Variants in SLC23A2 observed in about 807,000 individuals in gnomAD.
SLC23A2 encodes Na(+)/L-ascorbic acid transporter 2.
SLC23A2 carries 36 observed loss-of-function variants against 73.3 expected under a neutral mutation model. That is an observed-to-expected ratio of 0.49 (90% CI 0.38 to 0.65). The LOEUF is 0.65. Ranked by LOEUF, SLC23A2 falls within the 30% of genes least tolerant of loss-of-function variation. The pLI, the probability that SLC23A2 is intolerant of heterozygous loss-of-function variation, is 0.00. For synonymous variants in SLC23A2, 343 were observed against 327.3 expected (o/e 1.05, Z -0.52); for missense variants, 507 against 841.6 (o/e 0.60, Z 4.92).
intron 1 of SLC23A2, among the ~76,000 whole-genome samples, chr20:4,987,791 T>G (rs2087856096): frequency 6.7e-6 from 1 of 150,288 alleles, no homozygotes; most frequent in African/African-American, 2.5e-5. Context: ...GAGCTTGCAG[T>G]GAGCCGATCA....
At chr20:4,984,574 G>T (rs879146425) in intron 1 of SLC23A2, among the ~76,000 whole-genome samples, 1 of 151,730 alleles carries the variant, frequency 6.6e-6, no homozygotes, top group East Asian at 1.9e-4. Flanking sequence ...AAAAGACCCG[G>T]TCTCAAATAT....
chr20:4,977,714 A>T (rs1359316132), intron 1 of SLC23A2, among the ~76,000 whole-genome samples: 1 of 151,038 alleles, frequency 6.6e-6, no homozygotes, highest in East Asian at 1.9e-4. Context: ...AAAAAAAAAG[A>T]AAAGAAAAGA....
rs975165042 is a variant in SLC23A2, at chr20:4,947,359, A to T, written c.-154-14643T>A. Among the ~76,000 whole-genome samples the T allele has an allele frequency of 6.6e-5, 10 of 152,238 alleles. No homozygotes were observed. Among genetic ancestry groups the T allele is most frequent in the African/African-American group, 2.4e-4 (10 of 41,460 alleles). ...TTAAAATCTGAATGTACATTTTAGC[A>T]AACTAAAGCAGAACAAAGATGAGTT... On this transcript the variant is annotated intron_variant, in intron 2 of 16. Coordinates refer to ENST00000338244, the MANE Select transcript of SLC23A2 (RefSeq NM_005116.6). The surrounding 1 kb of genome is among the most constrained non-coding windows in gnomAD (Gnocchi z 4.4).
chr20:4,996,795 A>G (rs1490978859), intron 1 of SLC23A2, among the ~76,000 whole-genome samples: 2 of 151,852 alleles, frequency 1.3e-5, no homozygotes. Flanking sequence ...AGAGGGCCTT[A>G]GAGACACCTA....
chr20:4,902,543 T>A lies in SLC23A2; in HGVS notation c.223A>T (p.Thr75Ser), dbSNP rs1377457195. Reference protein sequence around the residue: ...GIAEKSSLAETLDSTGSLDPQ... With the variant: ...GIAEKSSLAESLDSTGSLDPQ... ...TCCAGACTGCCAGTGCTATCCAGGG[T>A]CTCAGCGAGAGAGCTCTGCGAGCCA... The change falls in exon 5 of 17, where the codon ACC becomes TCC. Residue 75 changes from threonine (T) to serine (S), a missense_variant. This residue lies in a region of SLC23A2 where 78 missense variants were observed against 86.7 expected (regional missense o/e 0.90). Coordinates refer to ENST00000338244, the MANE Select transcript of SLC23A2 (RefSeq NM_005116.6). This position sits in a 1 kb window ranked among gnomAD's most constrained non-coding sequence, Gnocchi z 4.0. The A allele has an allele frequency of 6.2e-7, 1 of 1,607,148 alleles. No individual in the cohort carries two copies. The highest frequency in any genetic ancestry group is 8.5e-7 in the Non-Finnish European group (1 of 1,175,700).
intron 4 of SLC23A2, among the ~76,000 whole-genome samples, chr20:4,905,182 G>C (rs1307650235): frequency 2.0e-5 from 3 of 149,606 alleles, no homozygotes; most frequent in Non-Finnish European, 3.0e-5. Context: ...ACACACAGGC[G>C]CATGTATGCA....
At chr20:4,931,735 C>A (rs1932793071) in intron 3 of SLC23A2, among the ~76,000 whole-genome samples, 1 of 151,694 alleles carries the variant, frequency 6.6e-6, no homozygotes, top group Non-Finnish European at 1.5e-5. Flanking sequence ...TGCCACTGCA[C>A]TCCAGCCTGG....
chr20:4,956,409 C>G (rs923410854), intron 2 of SLC23A2, among the ~76,000 whole-genome samples: 1 of 152,150 alleles, frequency 6.6e-6, no homozygotes, highest in South Asian at 2.1e-4. Flanking sequence ...TCTAGTGTTA[C>G]GAAATCTAAT....
At chr20:4,889,356 A>G (rs1931230838) in intron 6 of SLC23A2, among the ~76,000 whole-genome samples, 1 of 152,092 alleles carries the variant, frequency 6.6e-6, no homozygotes, top group Admixed American at 6.6e-5. Context: ...CAGGGAGCTC[A>G]TATGATGAAG....
intron 2 of SLC23A2, among the ~76,000 whole-genome samples, chr20:4,954,698 C>CAAAAAAAAAAAAAAAA (rs200579910): frequency 1.8e-5 from 1 of 55,066 alleles, no homozygotes. Context: ...GACTCCATCA[C>CAAAAAAAAAAAAAAAA]AAAAAAAAAA....
intron 2 of SLC23A2, among the ~76,000 whole-genome samples, chr20:4,948,158 C>T (rs1449062019): frequency 6.6e-6 from 1 of 152,224 alleles, no homozygotes; most frequent in Non-Finnish European, 1.5e-5. Flanking sequence ...TCTCAAGTAA[C>T]TCAACGGACT....
rs372661657 is a variant in SLC23A2 at position 4,993,410 on chromosome 20, G to A, written c.-282+7996C>T. 3.5e-4 allele frequency among the ~76,000 whole-genome samples: 42 copies of A among 121,492 alleles called. 1 individual carries two copies. Among genetic ancestry groups the A allele is most frequent in the South Asian group, 5.3e-4 (2 of 3,802 alleles). The allele number at this position is 121,492 out of a possible 152,430, so 79.7% of individuals were successfully genotyped here. Reference sequence around the variant, plus strand: ...GTATAGTGCAAATATGCCAAAATCCGAAAAAAAAAAAAGAAAAAAAGAAAC... The same window carrying A: ...GTATAGTGCAAATATGCCAAAATCCAAAAAAAAAAAAAGAAAAAAAGAAAC... On this transcript the variant is annotated intron_variant, in intron 1 of 16. Coordinates refer to ENST00000338244, the MANE Select transcript of SLC23A2 (RefSeq NM_005116.6).
At chr20:4,986,371 T>C (rs1405190319) in intron 1 of SLC23A2, among the ~76,000 whole-genome samples, 1 of 152,104 alleles carries the variant, frequency 6.6e-6, no homozygotes, top group Non-Finnish European at 1.5e-5. Flanking sequence ...TGGAGTGCAG[T>C]GGCACGATCT....
chr20:4,972,529 A>T (rs12481301), intron 1 of SLC23A2, among the ~76,000 whole-genome samples: 58,966 of 149,156 alleles, frequency 0.4, 11,895 homozygotes, highest in Admixed American at 0.47. Flanking sequence ...ATCTCTACAC[A>T]TAAATCTATC....
intron 2 of SLC23A2, among the ~76,000 whole-genome samples, chr20:4,961,202 G>T (rs2087379464): frequency 6.6e-6 from 1 of 150,520 alleles, no homozygotes; most frequent in Non-Finnish European, 1.5e-5. Context: ...GCACCTCCCA[G>T]GTTCAAGCAA....
rs1931793344 is a variant in SLC23A2, at chr20:4,902,642, A to AT, written c.208-85_208-84insA. On this transcript the variant is annotated intron_variant, in intron 4 of 16. Coordinates refer to ENST00000338244, the MANE Select transcript of SLC23A2 (RefSeq NM_005116.6). The surrounding 1 kb of genome is among the most constrained non-coding windows in gnomAD (Gnocchi z 4.0). ...GGCCATGTACAGGCCACTATTACAG[A>AT]AAAACAACTTTATCAAGTGGTTGCC... 3 of 642,194 alleles carry AT rather than the reference A, an allele frequency of 4.7e-6. No homozygotes were observed. The highest frequency in any genetic ancestry group is 5.8e-5 in the Admixed American group (2 of 34,528). The allele number at this position is 642,194 out of a possible 1,614,324, so 39.8% of individuals were successfully genotyped here.
intron 3 of SLC23A2, among the ~76,000 whole-genome samples, chr20:4,921,931 T>C (rs1204038377): frequency 6.6e-6 from 1 of 152,166 alleles, no homozygotes; most frequent in Admixed American, 6.5e-5. Context: ...CTTAAAAACA[T>C]CCATTTTAAG....
Position 4,885,865 on chromosome 20 carries a change from G to A in SLC23A2, c.527C>T (p.Ala176Val). 1 of 1,613,846 alleles carries A rather than the reference G, an allele frequency of 6.2e-7. No homozygotes were observed. Among genetic ancestry groups the A allele is most frequent in the Non-Finnish European group, 8.5e-7 (1 of 1,179,818 alleles). The change falls in exon 7 of 17, where the codon GCT (alanine) becomes GTT (valine). Residue 176 changes from alanine to valine, a missense_variant. Ala to Val is a moderately conservative substitution (Grantham distance 64). Around this residue, in one of 5 missense-constraint regions of SLC23A2, gnomAD observed 217 missense variants for 398.0 expected, o/e 0.55. Coordinates refer to ENST00000338244, the MANE Select transcript of SLC23A2 (RefSeq NM_005116.6). ...TTTATCTAAAGACAGGATGGCTCGA[G>A]CAGGGGCCAAAAATGCAAAAGCACT... The part of the protein sequence containing the change: ...QASAFAFLAP[A>V]RAILSLDKWK...
At chr20:4,985,239 C>G (rs1156443360) in intron 1 of SLC23A2, among the ~76,000 whole-genome samples, 1 of 151,524 alleles carries the variant, frequency 6.6e-6, no homozygotes, top group African/African-American at 2.4e-5. Context: ...CACACAAAAA[C>G]TTGTATTCAA....
Sources: allele counts gnomAD v4.1 joint callset (sites outside exome capture counted in the v4.1 genomes callset), GRCh38; gene constraint gnomAD v4.1.1; regional missense constraint gnomAD v4.1.1; non-coding constraint Gnocchi (gnomAD v3.1); transcripts MANE v1.5; gene names NCBI Gene and HGNC (gene_info 2026-07-23, HGNC 2026-07-21).